Variants in ADAMTS20 observed in about 807,000 individuals in gnomAD.
ADAMTS20 encodes the protein A disintegrin and metalloproteinase with thrombospondin motifs 20.
Under a neutral mutation model 260.1 loss-of-function variants are expected in ADAMTS20, and 225 were observed. That is an observed-to-expected ratio of 0.87 (90% CI 0.78 to 0.97). The LOEUF (loss-of-function observed/expected upper bound fraction) is 0.97. Among genes scored for constraint, ADAMTS20 ranks in the 50% least tolerant of loss-of-function variants. The pLI is 0.00. For synonymous variants in ADAMTS20, 802 were observed against 769.5 expected, an observed-to-expected ratio of 1.04 and a Z score of -0.70; for missense variants, 2,400 against 2,337.7, an observed-to-expected ratio of 1.03 and a Z score of -0.55.
chr12:43,538,914 T>C (rs275377), intron 2 of ADAMTS20, among the ~76,000 whole-genome samples: 139,936 of 150,678 alleles, frequency 0.93, 65,420 homozygotes, highest in East Asian at 0.99. Context: ...TCATCCTATA[T>C]CCTTGGGTAA....
At chr12:43,540,064 A>G (rs998126899) in intron 2 of ADAMTS20, among the ~76,000 whole-genome samples, 1 of 151,954 alleles carries the variant, frequency 6.6e-6, no homozygotes, top group African/African-American at 2.4e-5. Flanking sequence ...TTGTATTTTT[A>G]GTAGAGACGG....
chr12:43,502,102 A>C, intron 4 of ADAMTS20, 50 bp downstream of exon 4: 1 of 1,464,960 alleles, frequency 6.8e-7, no homozygotes, highest in Non-Finnish European at 9.0e-7. Flanking sequence ...AAAAAATTTC[A>C]TTAAGCTAAA....
chr12:43,471,148 G>C (rs1942250579), intron 7 of ADAMTS20, among the ~76,000 whole-genome samples: 1 of 152,156 alleles, frequency 6.6e-6, no homozygotes, highest in East Asian at 1.9e-4. Context: ...GAGAGCCGAA[G>C]CAGGGCGAGG....
In ADAMTS20 at chr12:43,451,879, G is replaced by A. The variant is rs118162837; in HGVS notation, c.2079+395C>T. Among the ~76,000 whole-genome samples, 89 of 152,242 alleles carry A rather than the reference G, an allele frequency of 5.8e-4. 1 individual carries two copies. The East Asian group carries it at 0.015, about 26-fold the overall frequency. On this transcript the variant is annotated intron_variant, in intron 14 of 38. Transcript: ENST00000389420. ...AATAAGTGACAGAGAGCTGGAAAGA[G>A]GAAGGGAGAATATCAATGGTTTCAA...
intron 4 of ADAMTS20, among the ~76,000 whole-genome samples, chr12:43,500,158 A>G (rs1452856458): frequency 6.6e-6 from 1 of 151,558 alleles, no homozygotes; most frequent in Non-Finnish European, 1.5e-5. Flanking sequence ...CCTCCCAAGT[A>G]GCTGGGATTA....
chr12:43,428,498 G>C lies in ADAMTS20; in HGVS notation c.3688C>G (p.Arg1230Gly). 6.2e-7 allele frequency: 1 copy of C among 1,613,652 alleles called. No homozygotes were observed. Among genetic ancestry groups the C allele is most frequent in the Admixed American group, 1.7e-5 (1 of 59,954 alleles). ...SASCGHGKTT[R>G]QVLCMNYHQP... ...TGGTAGTTCATGCATAAAACTTGTC[G>C]AGTTGTTTTTCCATGGCCACAGGAA... Residue 1230 changes from arginine (R) to glycine (G), a missense_variant, in exon 26 of 39, where the codon CGA becomes GGA. Arg to Gly is a moderately radical substitution (Grantham distance 125). Coordinates refer to ENST00000389420, the MANE Select transcript of ADAMTS20 (RefSeq NM_025003.5).
chr12:43,402,318 A>G, intron 28 of ADAMTS20, among the ~76,000 whole-genome samples: 1 of 152,038 alleles, frequency 6.6e-6, no homozygotes, highest in Non-Finnish European at 1.5e-5. Flanking sequence ...TTTATTGGTT[A>G]AAAAACCAAA....
At chr12:43,398,227 T>C (rs1031056558) in intron 29 of ADAMTS20, among the ~76,000 whole-genome samples, 2 of 152,210 alleles carry the variant, frequency 1.3e-5, no homozygotes, top group African/African-American at 4.8e-5. Flanking sequence ...AGTTATCTTT[T>C]CTGACTTCAT....
intron 18 of ADAMTS20, among the ~76,000 whole-genome samples, chr12:43,436,286 GAGGGGT>G (rs1158530523): frequency 3.9e-5 from 6 of 152,162 alleles, no homozygotes; most frequent in Non-Finnish European, 8.8e-5. Context: ...GCGAATGTGT[GAGGGGT>G]AGGCCTGAAA....
rs1185453651 is a variant in ADAMTS20, at chr12:43,502,184, A to G, written c.835T>C (p.Leu279=). The change falls in exon 4 of 39, where the codon TTG becomes CTG. Residue 279 remains leucine (L), a synonymous_variant. Coordinates refer to ENST00000389420, the MANE Select transcript of ADAMTS20 (RefSeq NM_025003.5). ...ATTAGAGTCAGTATATAGTTTTGCA[A>G]ATTCGATCCATGAGCAGAAACCACT... is the stretch of plus-strand genomic sequence containing the variant. ...AKVVSAHGSN[L]QNYILTLMSI... is the part of the protein sequence containing the mutation. 1.2e-6 allele frequency: 2 copies of G among 1,606,200 alleles called. No individual in the cohort carries two copies. The highest frequency in any genetic ancestry group is 1.1e-5 in the South Asian group (1 of 89,554).
intron 14 of ADAMTS20, among the ~76,000 whole-genome samples, chr12:43,451,884 G>A (rs946085968): frequency 1.3e-5 from 2 of 152,040 alleles, no homozygotes; most frequent in African/African-American, 4.8e-5. Flanking sequence ...AAAGAGGAAG[G>A]GAGAATATCA....
chr12:43,358,624 G>C (rs1360651224), intron 37 of ADAMTS20, among the ~76,000 whole-genome samples: 1 of 151,746 alleles, frequency 6.6e-6, no homozygotes, highest in African/African-American at 2.4e-5. Flanking sequence ...GGATCACGAG[G>C]TCAGGAGATC....
intron 2 of ADAMTS20, 49 bp downstream of exon 2, chr12:43,550,860 G>A: frequency 6.8e-7 from 1 of 1,480,370 alleles, no homozygotes; most frequent in Non-Finnish European, 9.0e-7. Flanking sequence ...GCTGAATGTA[G>A]CCCTTGCCTG....
chr12:43,407,712 TTTC>T (rs1408129086), intron 28 of ADAMTS20, among the ~76,000 whole-genome samples: 1 of 152,122 alleles, frequency 6.6e-6, no homozygotes, highest in Non-Finnish European at 1.5e-5. Context: ...TTGGATTAAT[TTTC>T]TTCAATAATA....
chr12:43,520,801 A>C (rs1324780207), intron 3 of ADAMTS20, among the ~76,000 whole-genome samples: 3 of 152,216 alleles, frequency 2.0e-5, no homozygotes, highest in Non-Finnish European at 4.4e-5. Context: ...AATTAATGGC[A>C]CCTTCTTCTC....
rs747496684 is a variant in ADAMTS20, at chr12:43,420,800, CTTTTTTTTT to C, written c.4284+4705_4284+4713del. Among the ~76,000 whole-genome samples, 66 of 55,518 alleles carry C rather than the reference CTTTTTTTTT, an allele frequency of 1.2e-3. 1 individual carries two copies. Among genetic ancestry groups the C allele is most frequent in the African/African-American group, 4.4e-3 (60 of 13,620 alleles). The allele number at this position is 55,518 out of a possible 152,430, so 36.4% of individuals were successfully genotyped here. ...TCTTCTTCTTCTCCTCCTCCTCCTT[CTTTTTTTTT>C]TTTTTTTTTTTTTTTTGAGATGGGG... On this transcript the variant is annotated intron_variant, in intron 28 of 38. Coordinates refer to ENST00000389420, the MANE Select transcript of ADAMTS20 (RefSeq NM_025003.5).
At chr12:43,368,996 A>T (rs950141384) in intron 37 of ADAMTS20, among the ~76,000 whole-genome samples, 1 of 152,162 alleles carries the variant, frequency 6.6e-6, no homozygotes, top group Non-Finnish European at 1.5e-5. Flanking sequence ...CTTTTGACAA[A>T]TATCTATTCA....
chr12:43,370,730 C>T (rs1012022812), intron 36 of ADAMTS20, among the ~76,000 whole-genome samples: 2 of 152,056 alleles, frequency 1.3e-5, no homozygotes, highest in African/African-American at 4.8e-5. Context: ...ATTTATTTGC[C>T]CTGCTCTATT....
In ADAMTS20 at chr12:43,415,583, T is replaced by A. The variant is rs536129367; in HGVS notation, c.4284+9931A>T. ...GGCCCTATTTCAACCACTTTTCCTA[T>A]TCCATTTTATCCTTAAAAAATACCC... On this transcript the variant is annotated intron_variant, in intron 28 of 38. Coordinates refer to ENST00000389420, the MANE Select transcript of ADAMTS20 (RefSeq NM_025003.5). 1.4e-4 allele frequency among the ~76,000 whole-genome samples: 21 copies of A among 152,312 alleles called. No individual in the cohort carries two copies. The South Asian group carries it at 4.3e-3, about 32-fold the overall frequency.
Sources: allele counts gnomAD v4.1 joint callset (sites outside exome capture counted in the v4.1 genomes callset), GRCh38; gene constraint gnomAD v4.1.1; transcripts MANE v1.5; gene names NCBI Gene and HGNC (gene_info 2026-07-23, HGNC 2026-07-21).